The following MARCHF8 variants were observed in gnomAD, a reference collection of about 807,000 sequenced individuals.
MARCHF8 encodes the protein membrane associated ring-CH-type finger 8.
In MARCHF8, 40 loss-of-function variants were observed where a neutral mutation model predicts 51.6. The ratio of observed to expected loss-of-function variants is 0.77; its 90% CI spans 0.60 to 1.01. The LOEUF is 1.01. Among genes scored for constraint, MARCHF8 ranks in the 50% least tolerant of loss-of-function variants. The pLI is 0.00. For missense variants in MARCHF8, 685 were observed against 708.6 expected, an observed-to-expected ratio of 0.97 and a Z score of 0.38; for synonymous variants, 263 against 280.3, an observed-to-expected ratio of 0.94 and a Z score of 0.62.
Position 45,593,283 on chromosome 10 carries a change from C to T in MARCHF8, c.-79+952G>A, listed in dbSNP as rs559988876. ...TCAGTACATCTCTTAAAACCCTAGT[C>T]TCCAAAATCAATTAGGAAACTATGT... On this transcript the variant is annotated intron_variant, in intron 1 of 6. Transcript: ENST00000319836. The T allele has an allele frequency of 3.3e-5, 5 of 152,082 alleles. No individual in the cohort carries two copies. The South Asian group carries it at 1.0e-3, about 32-fold the overall frequency. The allele number at this position is 152,082 out of a possible 1,614,324, so 9.4% of individuals were successfully genotyped here. A position where few individuals can be genotyped will look rare whatever the true frequency, so the allele number is the denominator to read the frequency against.
chr10:45,513,751 CATGTCTGGCTT>C (rs1281435656), intron 2 of MARCHF8, among the ~76,000 whole-genome samples: 1 of 152,154 alleles, frequency 6.6e-6, no homozygotes, highest in Non-Finnish European at 1.5e-5. Flanking sequence ...AATGAAATTA[CATGTCTGGCTT>C]ACACACACAC....
chr10:45,512,644 G>A (rs1443202104), intron 2 of MARCHF8, among the ~76,000 whole-genome samples: 1 of 151,782 alleles, frequency 6.6e-6, no homozygotes, highest in African/African-American at 2.4e-5. Context: ...CGTCCGGGAG[G>A]TGAGGGGCGC....
At chr10:45,591,478 A>C (rs1286116085) in intron 1 of MARCHF8, among the ~76,000 whole-genome samples, 1 of 152,038 alleles carries the variant, frequency 6.6e-6, no homozygotes, top group South Asian at 2.1e-4. Flanking sequence ...AAAAAAAAAA[A>C]AGCAGCAGCA....
chr10:45,519,487 A>G (rs1353262384), intron 2 of MARCHF8, among the ~76,000 whole-genome samples: 1 of 152,198 alleles, frequency 6.6e-6, no homozygotes, highest in African/African-American at 2.4e-5. Context: ...CCAGAGAGGA[A>G]ATATTTTATG....
Position 45,533,277 on chromosome 10 carries a change from C to A in MARCHF8, c.-66G>T. Reference sequence around the variant, plus strand: ...CTCCACTGGTAGAGTCATTTTGGGCCATGGATTTCAAGCTGAGAGAAAATG... The same window carrying A: ...CTCCACTGGTAGAGTCATTTTGGGCAATGGATTTCAAGCTGAGAGAAAATG... On this transcript the variant is annotated 5_prime_UTR_variant, in exon 2 of 8. It removes an upstream start codon present in the reference 5' UTR. Transcript: ENST00000453424. 2 of 1,514,114 alleles carry A rather than the reference C, an allele frequency of 1.3e-6. No homozygotes were observed. Among genetic ancestry groups the A allele is most frequent in the South Asian group, 1.3e-5 (1 of 74,486 alleles). 93.8% of individuals were successfully genotyped at this position (1,514,114 alleles called of 1,614,324 possible).
chr10:45,532,203 T>G (rs779992796), intron 2 of MARCHF8, among the ~76,000 whole-genome samples: 1 of 152,220 alleles, frequency 6.6e-6, no homozygotes, highest in Non-Finnish European at 1.5e-5. Context: ...TGCTATTTAT[T>G]TAGACCTTAA....
chr10:45,557,705 A>G (rs1411234973), intron 1 of MARCHF8, among the ~76,000 whole-genome samples: 2 of 152,174 alleles, frequency 1.3e-5, no homozygotes, highest in Non-Finnish European at 1.5e-5. Context: ...TGAGGAACCA[A>G]AACAGGAAGA....
At chr10:45,557,911 T>G (rs2044270139) in intron 1 of MARCHF8, among the ~76,000 whole-genome samples, 1 of 152,178 alleles carries the variant, frequency 6.6e-6, no homozygotes, top group Non-Finnish European at 1.5e-5. Context: ...AACAGACTTT[T>G]AGTTAAATAT....
At chr10:45,462,634 G>GCT (rs1554804340) in intron 5 of MARCHF8, among the ~76,000 whole-genome samples, 4 of 145,126 alleles carry the variant, frequency 2.8e-5, no homozygotes, top group Admixed American at 2.7e-4. Context: ...GTTTTGTTTT[G>GCT]TTTTTTTTTA....
chr10:45,489,135 T>C (rs2043036552), intron 3 of MARCHF8, among the ~76,000 whole-genome samples: 2 of 152,196 alleles, frequency 1.3e-5, no homozygotes, highest in East Asian at 3.8e-4. Context: ...TATGGTTTTC[T>C]GGAAAAAATG....
chr10:45,524,785 T>C (rs559279518), intron 2 of MARCHF8, among the ~76,000 whole-genome samples: 1 of 152,156 alleles, frequency 6.6e-6, no homozygotes, highest in African/African-American at 2.4e-5. Flanking sequence ...GGTCTTATAC[T>C]GTATCTCAAA....
chr10:45,469,436 TG>T (rs1352178360), intron 3 of MARCHF8, among the ~76,000 whole-genome samples: 1 of 152,210 alleles, frequency 6.6e-6, no homozygotes, highest in Non-Finnish European at 1.5e-5. Flanking sequence ...ATCAATGTAG[TG>T]GGTGATGACC....
chr10:45,569,576 G>A (rs1295259492), intron 1 of MARCHF8, among the ~76,000 whole-genome samples: 1 of 152,032 alleles, frequency 6.6e-6, no homozygotes, highest in Admixed American at 6.5e-5. Flanking sequence ...TTTGATGTGT[G>A]GAAAAGGACC....
Position 45,513,944 on chromosome 10 carries a change from G to A in MARCHF8, c.102+19166C>T, listed in dbSNP as rs540011566. On this transcript the variant is annotated intron_variant, in intron 2 of 7. Coordinates refer to ENST00000453424, the MANE Select transcript of MARCHF8 (RefSeq NM_001282866.2). ...TAGAAAATAGCAATAGAGCCTGAAGGTGCGTTCATTAAAATTATGAACTCA... is the reference window on the plus strand; with the variant it reads ...TAGAAAATAGCAATAGAGCCTGAAGATGCGTTCATTAAAATTATGAACTCA... Among the ~76,000 whole-genome samples, 6 of 152,232 alleles carry A rather than the reference G, an allele frequency of 3.9e-5. No homozygotes were observed. In the South Asian group the frequency reaches 1.2e-3, roughly 32 times the overall value.
intron 1 of MARCHF8, among the ~76,000 whole-genome samples, chr10:45,545,020 C>A (rs774597324): frequency 6.6e-6 from 1 of 152,172 alleles, no homozygotes; most frequent in Non-Finnish European, 1.5e-5. Flanking sequence ...GCCTGCAACA[C>A]TCTTCCTTCC....
intron 3 of MARCHF8, among the ~76,000 whole-genome samples, chr10:45,474,913 C>T (rs2042758851): frequency 6.6e-6 from 1 of 152,194 alleles, no homozygotes; most frequent in African/African-American, 2.4e-5. Context: ...TTGAGGCTAA[C>T]AGAGGGAGCT....
At chr10:45,532,378 A>C (rs905533067) in intron 2 of MARCHF8, among the ~76,000 whole-genome samples, 1 of 152,156 alleles carries the variant, frequency 6.6e-6, no homozygotes, top group Non-Finnish European at 1.5e-5. Flanking sequence ...CCATGTACAC[A>C]CTATTATGGA....
rs548904014 is a variant in MARCHF8 at position 45,511,395 on chromosome 10, C to T, written c.102+21715G>A. Among the ~76,000 whole-genome samples the T allele has an allele frequency of 5.3e-5, 8 of 152,222 alleles. No individual in the cohort carries two copies. In the East Asian group the frequency reaches 7.8e-4, roughly 15 times the overall value. ...CACTGTGCCCTCTCCCTCTCCCTCT[C>T]CCTCTCCCCACGGCCCACGGTCTCC... On this transcript the variant is annotated intron_variant, in intron 2 of 7. Transcript: ENST00000453424.
rs1168018670 is a variant in MARCHF8 at position 45,456,723 on chromosome 10, C to T, written c.*1516G>A. On this transcript the variant is annotated 3_prime_UTR_variant, in exon 8 of 8. Transcript: ENST00000453424. The stretch of plus-strand genomic sequence containing the variant: ...GCGCTACATTGTGCTTCAGGCCCCC[C>T]CAGCAACTTTCCCGGAGGTAACTAT... 1 of 152,238 alleles carries T rather than the reference C, an allele frequency of 6.6e-6. No individual in the cohort carries two copies. The highest frequency in any genetic ancestry group is 1.5e-5 in the Non-Finnish European group (1 of 68,058). The allele number at this position is 152,238 out of a possible 1,614,324, so 9.4% of individuals were successfully genotyped here. A position where few individuals can be genotyped will look rare whatever the true frequency, so the allele number is the denominator to read the frequency against.
Sources: gnomAD v4.1 joint callset for allele counts (sites outside exome capture counted in the v4.1 genomes callset) on GRCh38, gnomAD v4.1.1 for gene constraint, MANE v1.5 for transcripts, NCBI Gene and HGNC (gene_info 2026-07-23, HGNC 2026-07-21) for gene names.